IL17RD: variants seen among roughly 807,000 people sequenced by gnomAD.
The protein encoded by IL17RD is interleukin 17 receptor D.
In IL17RD, 52 loss-of-function variants were observed where a neutral mutation model predicts 80.5. The observed-to-expected ratio is 0.65, with a 90% CI of 0.52 to 0.81. The LOEUF (loss-of-function observed/expected upper bound fraction) is 0.81. Among genes scored for constraint, IL17RD ranks in the 40% least tolerant of loss-of-function variants. The pLI is 0.00. For missense variants in IL17RD, 1,024 were observed against 955.1 expected (o/e 1.07, Z -0.95); for synonymous variants, 416 against 391.8 (o/e 1.06, Z -0.73).
rs1378285983 is a variant in IL17RD, at chr3:57,090,595, G to C, written c.*5798C>G. On this transcript the variant is annotated 3_prime_UTR_variant, in exon 13 of 13. Transcript: ENST00000296318. ...TAATTTTGTATTTTTAGTAGAGACA[G>C]GGTTTCACCATGTTGGTCAGGCTGG... 3 of 152,214 alleles carry C rather than the reference G, an allele frequency of 2.0e-5. No individual in the cohort carries two copies. Among genetic ancestry groups the C allele is most frequent in the Non-Finnish European group, 2.9e-5 (2 of 68,062 alleles). The allele number at this position is 152,214 out of a possible 1,614,324, so 9.4% of individuals were successfully genotyped here.
Position 57,092,130 on chromosome 3 carries a change from A to G in IL17RD, c.*4263T>C, listed in dbSNP as rs1343630254. On this transcript the variant is annotated 3_prime_UTR_variant, in exon 13 of 13. Transcript: ENST00000296318. ...GACCACTTAAAACGGAAGATAATGC[A>G]AATACCTGGCTCTAATGGACGCTAG... The G allele has an allele frequency of 6.6e-6, 1 of 152,664 alleles. No homozygotes were observed. Among genetic ancestry groups the G allele is most frequent in the African/African-American group, 2.4e-5 (1 of 41,468 alleles). The allele number at this position is 152,664 out of a possible 1,614,324, so 9.5% of individuals were successfully genotyped here.
At chr3:57,152,456 A>G (rs1394779675) in intron 1 of IL17RD, among the ~76,000 whole-genome samples, 2 of 152,214 alleles carry the variant, frequency 1.3e-5, no homozygotes, top group African/African-American at 4.8e-5. Context: ...CATGGCCAGC[A>G]GGGGAGGAGG....
intron 1 of IL17RD, chr3:57,134,587 A>G: frequency 8.3e-7 from 1 of 1,208,582 alleles, no homozygotes; most frequent in East Asian, 2.3e-5. Context: ...GACAAGGCCC[A>G]CAAGAAGCTG....
At chr3:57,163,683 T>A (rs894358581) in intron 1 of IL17RD, among the ~76,000 whole-genome samples, 1 of 151,758 alleles carries the variant, frequency 6.6e-6, no homozygotes, top group African/African-American at 2.4e-5. Context: ...TAAAATTTTT[T>A]TAAACAATAA....
At chr3:57,163,753 C>T (rs1449638927) in intron 1 of IL17RD, among the ~76,000 whole-genome samples, 1 of 134,424 alleles carries the variant, frequency 7.4e-6, no homozygotes, top group African/African-American at 2.9e-5. Flanking sequence ...ATGCTTTACT[C>T]AACTAGGAAG....
chr3:57,144,478 T>C (rs1707888405), intron 1 of IL17RD, among the ~76,000 whole-genome samples: 2 of 152,200 alleles, frequency 1.3e-5, no homozygotes, highest in African/African-American at 2.4e-5. Flanking sequence ...CTTATCTTCT[T>C]AAAGCTTATC....
chr3:57,114,880 CT>C, intron 2 of IL17RD, 63 bp from the exon 3 acceptor site: 1 of 1,382,244 alleles, frequency 7.2e-7, no homozygotes, highest in Non-Finnish European at 9.7e-7. Context: ...TCAGGTTCAT[CT>C]TATCAAAATA....
chr3:57,133,765 G>A (rs1482742550), intron 1 of IL17RD, among the ~76,000 whole-genome samples: 1 of 152,152 alleles, frequency 6.6e-6, no homozygotes, highest in African/African-American at 2.4e-5. Context: ...GGAACAGCAG[G>A]TAGGAGCATA....
At chr3:57,159,511 C>T (rs953773123) in intron 1 of IL17RD, among the ~76,000 whole-genome samples, 1 of 152,158 alleles carries the variant, frequency 6.6e-6, no homozygotes, top group Non-Finnish European at 1.5e-5. Context: ...CATCAGTCAC[C>T]TAATCGTGTG....
At chr3:57,149,403 C>A (rs980566630) in intron 1 of IL17RD, among the ~76,000 whole-genome samples, 1 of 152,052 alleles carries the variant, frequency 6.6e-6, no homozygotes, top group African/African-American at 2.4e-5. Flanking sequence ...TGTACTTACC[C>A]ATATTGGTAA....
chr3:57,108,601 C>T (rs1707019923), intron 5 of IL17RD, among the ~76,000 whole-genome samples: 1 of 148,260 alleles, frequency 6.7e-6, no homozygotes, highest in African/African-American at 2.5e-5. Context: ...CTGCAACCTC[C>T]ACCTCCTGGG....
chr3:57,134,616 G>T, intron 1 of IL17RD: 1 of 916,582 alleles, frequency 1.1e-6, no homozygotes. Context: ...CCAGGCTAAG[G>T]CCCGCAGGTC....
In IL17RD at chr3:57,098,291, G is replaced by A. The variant is rs772052138; in HGVS notation, c.1412C>T (p.Ala471Val). 42 of 1,614,000 alleles carry A rather than the reference G, an allele frequency of 2.6e-5. No individual in the cohort carries two copies. The highest frequency in any genetic ancestry group is 3.6e-5 in the Non-Finnish European group (42 of 1,179,892). Residue 471 changes from alanine to valine, a missense_variant, in exon 12 of 13, where the codon GCG (alanine) becomes GTG (valine). Transcript: ENST00000296318. ...GTAGACGGCGATAAACTTGCTGAGC[G>A]CCGCGGACGAACTCTGCTTGGCCTG... ...LRQAKQSSSA[A>V]LSKFIAVYFD... is the part of the protein sequence containing the mutation.
intron 1 of IL17RD, among the ~76,000 whole-genome samples, chr3:57,143,977 T>C (rs1265387455): frequency 6.6e-6 from 1 of 152,228 alleles, no homozygotes; most frequent in Non-Finnish European, 1.5e-5. Flanking sequence ...TGGTCTCATT[T>C]TTCAGTTTCC....
At chr3:57,142,499 C>G in intron 1 of IL17RD, 1 of 1,288,368 alleles carries the variant, frequency 7.8e-7, no homozygotes, top group Non-Finnish European at 1.0e-6. Flanking sequence ...GGCAGAAGCG[C>G]GTGGCATCCC....
intron 1 of IL17RD, among the ~76,000 whole-genome samples, chr3:57,163,698 A>G (rs1450250759): frequency 3.3e-5 from 5 of 151,524 alleles, no homozygotes; most frequent in African/African-American, 1.2e-4. Context: ...CAATAAAACA[A>G]GAGCAGTAAT....
rs548952092 is a variant in IL17RD, at chr3:57,098,250, C to T, written c.1453G>A (p.Glu485Lys). The T allele has an allele frequency of 1.2e-6, 2 of 1,613,920 alleles. No individual in the cohort carries two copies. Among genetic ancestry groups the T allele is most frequent in the African/African-American group, 1.3e-5 (1 of 75,038 alleles). Residue 485 changes from glutamate (E) to lysine (K), a missense_variant, in exon 12 of 13, where the codon GAG (glutamate) becomes AAG (lysine). Physicochemically the swap from Glu to Lys is moderately conservative, Grantham distance 56. Transcript: ENST00000296318. ...FIAVYFDYSCEGDVPGILDLS... is the reference protein window; with the variant it reads ...FIAVYFDYSCKGDVPGILDLS... Reference sequence around the variant, plus strand: ...TCTAGGATACCGGGGACGTCTCCCTCGCAGGAATAATCAAAGTAGACGGCG... The same window carrying T: ...TCTAGGATACCGGGGACGTCTCCCTTGCAGGAATAATCAAAGTAGACGGCG...
intron 1 of IL17RD, among the ~76,000 whole-genome samples, chr3:57,128,545 G>A (rs1174507382): frequency 6.7e-6 from 1 of 148,766 alleles, no homozygotes; most frequent in African/African-American, 2.5e-5. Context: ...CACCCACTTT[G>A]CCCCCCGAAA....
In IL17RD at chr3:57,142,573, G is replaced by C. The variant is rs542142144; in HGVS notation, c.127-22260C>G. 1,062 of 1,164,984 alleles carry C rather than the reference G, an allele frequency of 9.1e-4. 15 individuals carry two copies. The South Asian group carries it at 0.013, about 14-fold the overall frequency. The allele number at this position is 1,164,984 out of a possible 1,614,324, so 72.2% of individuals were successfully genotyped here. A position where few individuals can be genotyped will look rare whatever the true frequency, so the allele number is the denominator to read the frequency against. On this transcript the variant is annotated intron_variant, in intron 1 of 12. Transcript: ENST00000296318. ...GCCTCCTGGCAGGGAGATAGGGCCT[G>C]GCTGACCGCTGTGTTGGTGTCGCCA...
Sources: gnomAD v4.1 joint callset for allele counts (sites outside exome capture counted in the v4.1 genomes callset) on GRCh38, gnomAD v4.1.1 for gene constraint, MANE v1.5 for transcripts, NCBI Gene and HGNC (gene_info 2026-07-23, HGNC 2026-07-21) for gene names.